The following PDIA3 variants were observed in gnomAD, a reference collection of about 807,000 sequenced individuals.
The protein encoded by PDIA3 is protein disulfide-isomerase A3.
In PDIA3, 16 loss-of-function variants were observed where a neutral mutation model predicts 56.9. The ratio of observed to expected loss-of-function variants is 0.28; its 90% confidence interval spans 0.19 to 0.43. PDIA3 has a LOEUF of 0.43. PDIA3 is among the 20% of genes least tolerant of loss of function. The pLI is 1.00. For synonymous variants in PDIA3, 192 were observed against 216.5 expected (o/e 0.89, Z 0.99); for missense variants, 485 against 621.3 (o/e 0.78, Z 2.33).
In PDIA3 at chr15:43,747,188, G is replaced by A. The variant is rs893130826; in HGVS notation, c.167+482G>A. The A allele has an allele frequency of 1.9e-5, 3 of 157,098 alleles. No homozygotes were observed. The Admixed American group carries it at 1.9e-4, about 10-fold the overall frequency. The allele number at this position is 157,098 out of a possible 1,614,324, so 9.7% of individuals were successfully genotyped here. A position where few individuals can be genotyped will look rare whatever the true frequency, so the allele number is the denominator to read the frequency against. ...ATTGGTTTCTAGCCAAGGTCACTGAGTGGCTGCAGAATGGTCGTAAGTGCT... is the reference window on the plus strand; with the variant it reads ...ATTGGTTTCTAGCCAAGGTCACTGAATGGCTGCAGAATGGTCGTAAGTGCT... On this transcript the variant is annotated intron_variant, in intron 1 of 12. Coordinates refer to ENST00000300289, the MANE Select transcript of PDIA3 (RefSeq NM_005313.5).
chr15:43,748,205 T>C (rs1036954403), intron 1 of PDIA3, among the ~76,000 whole-genome samples: 2 of 152,234 alleles, frequency 1.3e-5, no homozygotes, highest in African/African-American at 2.4e-5. Context: ...GGGCTGGGCA[T>C]GGTGGCTCCC....
At chr15:43,749,473 C>A (rs2086729760) in intron 1 of PDIA3, among the ~76,000 whole-genome samples, 1 of 152,098 alleles carries the variant, frequency 6.6e-6, no homozygotes, top group Non-Finnish European at 1.5e-5. Context: ...TACTATCTTA[C>A]AAGAAACAGT....
At chr15:43,770,381 G>A (rs41277698) in intron 11 of PDIA3, 52 bp downstream of exon 11, 19,340 of 1,479,920 alleles carry the variant, frequency 0.013, 166 homozygotes, top group Non-Finnish European at 0.015. Flanking sequence ...TAGGAATAAA[G>A]CTTGTAACCA....
At chr15:43,759,978 A>G (rs978748200) in intron 3 of PDIA3, among the ~76,000 whole-genome samples, 2 of 152,064 alleles carry the variant, frequency 1.3e-5, no homozygotes, top group African/African-American at 4.8e-5. Flanking sequence ...AATTCCAGCT[A>G]CTCGGGAGGC....
At chr15:43,768,669 G>T in intron 9 of PDIA3, 72 bp downstream of exon 9, 3 of 1,010,958 alleles carry the variant, frequency 3.0e-6, no homozygotes, top group South Asian at 2.8e-5. Context: ...AAACTGTGGG[G>T]TCTAAATGAA....
rs202041084 is a variant in PDIA3, at chr15:43,763,145, A to G, written c.541A>G (p.Asn181Asp). The change falls in exon 5 of 13, where the codon AAC becomes GAC. Residue 181 changes from asparagine (N) to aspartate (D), a missense_variant. Coordinates refer to ENST00000300289, the MANE Select transcript of PDIA3 (RefSeq NM_005313.5). ...FLKAASNLRD[N>D]YRFAHTNVES... Reference sequence around the variant, plus strand: ...AAAAGCAGCCAGCAACTTGAGGGATAACTACCGATTTGCACATACGAATGT... The same window carrying G: ...AAAAGCAGCCAGCAACTTGAGGGATGACTACCGATTTGCACATACGAATGT... 1.9e-6 allele frequency: 3 copies of G among 1,614,180 alleles called. No individual in the cohort carries two copies. Among genetic ancestry groups the G allele is most frequent in the African/African-American group, 2.7e-5 (2 of 75,052 alleles).
Position 43,766,722 on chromosome 15 carries a change from C to T in PDIA3, c.846-6C>T, listed in dbSNP as rs764676411. ...TCTTGGCACAAATGTCTCTTGTTTCCCACAGGGTAATGATGGTGGCAAAGA... is the reference window on the plus strand; with the variant it reads ...TCTTGGCACAAATGTCTCTTGTTTCTCACAGGGTAATGATGGTGGCAAAGA... On this transcript the variant is annotated splice_region_variant and splice_polypyrimidine_tract_variant and intron_variant, in intron 7 of 12. Transcript: ENST00000300289. 1.9e-6 allele frequency: 3 copies of T among 1,613,294 alleles called. No homozygotes were observed. The highest frequency in any genetic ancestry group is 1.7e-5 in the Admixed American group (1 of 59,920).
intron 2 of PDIA3, among the ~76,000 whole-genome samples, chr15:43,756,038 G>T (rs2086776825): frequency 6.6e-6 from 1 of 152,116 alleles, no homozygotes; most frequent in South Asian, 2.1e-4. Context: ...ATCTTATGGA[G>T]ATTAAATGAG....
At chr15:43,757,944 A>G (rs1413312566) in intron 3 of PDIA3, among the ~76,000 whole-genome samples, 2 of 151,838 alleles carry the variant, frequency 1.3e-5, no homozygotes, top group African/African-American at 4.8e-5. Context: ...CTATTTAAAA[A>G]AAAAAAAACA....
chr15:43,761,799 A>C (rs2086818148), intron 4 of PDIA3, among the ~76,000 whole-genome samples: 1 of 152,142 alleles, frequency 6.6e-6, no homozygotes, highest in Non-Finnish European at 1.5e-5. Flanking sequence ...AATTTCAATT[A>C]AAGGGACTGG....
rs1029195359 is a variant in PDIA3 at position 43,746,478 on chromosome 15, C to T, written c.-62C>T. The T allele has an allele frequency of 4.3e-6, 6 of 1,399,182 alleles. No homozygotes were observed. The highest frequency in any genetic ancestry group is 3.0e-5 in the African/African-American group (2 of 66,464). The allele number at this position is 1,399,182 out of a possible 1,614,324, so 86.7% of individuals were successfully genotyped here. A position where few individuals can be genotyped will look rare whatever the true frequency, so the allele number is the denominator to read the frequency against. On this transcript the variant is annotated 5_prime_UTR_variant, in exon 1 of 13. Coordinates refer to ENST00000300289, the MANE Select transcript of PDIA3 (RefSeq NM_005313.5). Reference sequence around the variant, plus strand: ...AGCAGCGGGTTAGTGGTCGCGCGCCCGACCTCCGCAGTCCCAGCCGAGCCG... The same window carrying T: ...AGCAGCGGGTTAGTGGTCGCGCGCCTGACCTCCGCAGTCCCAGCCGAGCCG...
chr15:43,772,996 G>A lies in PDIA3; in HGVS notation c.*1778G>A, dbSNP rs2086890199. 2.1e-6 allele frequency: 2 copies of A among 942,074 alleles called. No homozygotes were observed. The highest frequency in any genetic ancestry group is 3.3e-5 in the African/African-American group (2 of 60,454). The allele number at this position is 942,074 out of a possible 1,614,324, so 58.4% of individuals were successfully genotyped here. A position where few individuals can be genotyped will look rare whatever the true frequency, so the allele number is the denominator to read the frequency against. ...AAGAACCTAGAGCAGCTCTCTACTTGCCACCATGGACTCCAGTGGTCAGCA... is the reference window on the plus strand; with the variant it reads ...AAGAACCTAGAGCAGCTCTCTACTTACCACCATGGACTCCAGTGGTCAGCA... On this transcript the variant is annotated 3_prime_UTR_variant, in exon 13 of 13. Transcript: ENST00000300289.
At chr15:43,748,225 C>G (rs1277742079) in intron 1 of PDIA3, among the ~76,000 whole-genome samples, 1 of 152,158 alleles carries the variant, frequency 6.6e-6, no homozygotes, top group Non-Finnish European at 1.5e-5. Context: ...CGCCTGTAAT[C>G]CCAGCACTTT....
At chr15:43,752,555 C>T (rs2086751576) in intron 1 of PDIA3, among the ~76,000 whole-genome samples, 1 of 152,176 alleles carries the variant, frequency 6.6e-6, no homozygotes, top group Non-Finnish European at 1.5e-5. Context: ...CCCCTATGTG[C>T]CCCTTTACCA....
At position 43,770,587 on chromosome 15, in the gene PDIA3, G is replaced by T; in HGVS notation, c.1404+7G>T. 6.3e-7 allele frequency: 1 copy of T among 1,591,468 alleles called. No homozygotes were observed. The highest frequency in any genetic ancestry group is 2.2e-5 in the East Asian group (1 of 44,802). The stretch of plus-strand genomic sequence containing the variant: ...AAATCCAAAGAAATATGAAGTAAGT[G>T]AATTGTCCCATATCCCCACAAATAT... On this transcript the variant is annotated splice_region_variant and intron_variant, in intron 12 of 12. Transcript: ENST00000300289.
chr15:43,769,960 C>T (rs1182895505), intron 10 of PDIA3, among the ~76,000 whole-genome samples: 2 of 152,140 alleles, frequency 1.3e-5, no homozygotes, highest in East Asian at 1.9e-4. Flanking sequence ...GGCTTAGCCC[C>T]TGTAATGTCT....
chr15:43,764,860 T>A (rs2086838238), intron 5 of PDIA3, among the ~76,000 whole-genome samples: 1 of 152,194 alleles, frequency 6.6e-6, no homozygotes, highest in Non-Finnish European at 1.5e-5. Context: ...TGAGACCTGG[T>A]CCAACGTGTT....
chr15:43,760,113 G>A (rs769449577), intron 3 of PDIA3, among the ~76,000 whole-genome samples: 7 of 150,962 alleles, frequency 4.6e-5, no homozygotes, highest in African/African-American at 1.2e-4. Flanking sequence ...CAAAAAAATG[G>A]TTTAACAAGG....
intron 1 of PDIA3, among the ~76,000 whole-genome samples, chr15:43,750,223 C>T (rs1377094087): frequency 1.4e-5 from 2 of 144,746 alleles, no homozygotes; most frequent in East Asian, 4.3e-4. Flanking sequence ...ACCATGTTGG[C>T]CAGGCTGGTC....
Sources: gnomAD v4.1 joint callset for allele counts (sites outside exome capture counted in the v4.1 genomes callset) on GRCh38, gnomAD v4.1.1 for gene constraint, MANE v1.5 for transcripts, NCBI Gene and HGNC (gene_info 2026-07-23, HGNC 2026-07-21) for gene names.